The following PTPN5 variants were observed in gnomAD, a reference collection of about 807,000 sequenced individuals.
PTPN5 encodes tyrosine-protein phosphatase non-receptor type 5.
A neutral mutation model predicts 73.9 loss-of-function variants in PTPN5; 29 were observed. That is an observed-to-expected ratio of 0.39 (90% CI 0.29 to 0.54). PTPN5 has a LOEUF of 0.54. Among genes scored for constraint, PTPN5 ranks in the 20% least tolerant of loss-of-function variants. The pLI is 0.65. For synonymous variants in PTPN5, 267 were observed against 304.7 expected (o/e 0.88, Z 1.29); for missense variants, 652 against 751.4 (o/e 0.87, Z 1.55).
At chr11:18,746,162 A>AATAAATATAT (rs1554916160) in intron 3 of PTPN5, among the ~76,000 whole-genome samples, 2 of 67,638 alleles carry the variant, frequency 3.0e-5, no homozygotes, top group African/African-American at 8.8e-5. Flanking sequence ...TATAAATATA[A>AATAAATATAT]ATATATATAT....
chr11:18,790,838 T>C (rs113707829), intron 1 of PTPN5, among the ~76,000 whole-genome samples: 35 of 152,178 alleles, frequency 2.3e-4, no homozygotes, highest in African/African-American at 8.2e-4. Flanking sequence ...GCCACCTTAC[T>C]GGGCCTCAGT....
intron 1 of PTPN5, among the ~76,000 whole-genome samples, chr11:18,776,142 T>C (rs1439516544): frequency 6.6e-6 from 1 of 152,220 alleles, no homozygotes; most frequent in Non-Finnish European, 1.5e-5. Context: ...CCCCCAGGTA[T>C]GCAGTTTAAT....
At chr11:18,731,086 C>T (rs55712807) in intron 12 of PTPN5, among the ~76,000 whole-genome samples, 33,115 of 151,322 alleles carry the variant, frequency 0.22, 4,439 homozygotes, top group South Asian at 0.34. Context: ...AGGAAGCCCT[C>T]CCTGAGCACA....
chr11:18,746,184 T>TAC (rs1849621365), intron 3 of PTPN5, among the ~76,000 whole-genome samples: 1 of 115,698 alleles, frequency 8.6e-6, no homozygotes, highest in Non-Finnish European at 2.0e-5. Flanking sequence ...TATATATATA[T>TAC]ATATATATAC....
chr11:18,744,836 C>T (rs1849543888), intron 3 of PTPN5, among the ~76,000 whole-genome samples: 2 of 152,206 alleles, frequency 1.3e-5, no homozygotes, highest in South Asian at 4.1e-4. Context: ...CGGAGAGTCA[C>T]TCCCTCTCTG....
intron 3 of PTPN5, among the ~76,000 whole-genome samples, chr11:18,758,417 C>T (rs1850245242): frequency 6.6e-6 from 1 of 152,138 alleles, no homozygotes; most frequent in Admixed American, 6.5e-5. Flanking sequence ...ACTGAGGTGC[C>T]AGACATATAA....
intron 1 of PTPN5, among the ~76,000 whole-genome samples, chr11:18,781,725 C>A (rs1851439361): frequency 6.6e-6 from 1 of 152,136 alleles, no homozygotes; most frequent in Non-Finnish European, 1.5e-5. Flanking sequence ...TAATATCAGG[C>A]TCTGTACTGA....
chr11:18,773,782 C>A (rs964179685), intron 1 of PTPN5, among the ~76,000 whole-genome samples: 1 of 152,134 alleles, frequency 6.6e-6, no homozygotes, highest in Non-Finnish European at 1.5e-5. Context: ...GGCAGGAGAC[C>A]AGCCAAAAAG....
In PTPN5 at chr11:18,742,363, G is replaced by A. The variant is rs768469516; in HGVS notation, c.624C>T (p.Leu208=). 2.9e-5 allele frequency: 47 copies of A among 1,614,026 alleles called. No homozygotes were observed. Among genetic ancestry groups the A allele is most frequent in the African/African-American group, 2.7e-4 (20 of 74,908 alleles). ...ACACAGGAGTCTCGGGCACCGGGTC[G>A]AGGTCCAGGAAGTCATCCTCGATCT... ...EEKIEDDFLD[L]DPVPETPVFD... is the part of the protein sequence containing the mutation. The change falls in exon 7 of 15, where the codon CTC becomes CTT. Residue 208 remains leucine, a synonymous_variant. Coordinates refer to ENST00000358540, the MANE Select transcript of PTPN5 (RefSeq NM_006906.2). The surrounding 1 kb of genome is among the most constrained non-coding windows in gnomAD (Gnocchi z 4.1).
Position 18,742,152 on chromosome 11 carries a change from A to G in PTPN5, c.725+110T>C. The G allele has an allele frequency of 6.8e-7, 1 of 1,471,236 alleles. No homozygotes were observed. Among genetic ancestry groups the G allele is most frequent in the Non-Finnish European group, 9.3e-7 (1 of 1,079,156 alleles). The allele number at this position is 1,471,236 out of a possible 1,614,324, so 91.1% of individuals were successfully genotyped here. ...ACATGTCTACACTGGCTAAGCTATAAGGCCAGCTCTGCCCTGGGCACCAGG... is the reference window on the plus strand; with the variant it reads ...ACATGTCTACACTGGCTAAGCTATAGGGCCAGCTCTGCCCTGGGCACCAGG... On this transcript the variant is annotated intron_variant, in intron 7 of 14. Coordinates refer to ENST00000358540, the MANE Select transcript of PTPN5 (RefSeq NM_006906.2). This position sits in a 1 kb window ranked among gnomAD's most constrained non-coding sequence, Gnocchi z 4.1.
chr11:18,733,206 A>C lies in PTPN5; in HGVS notation c.1218+29T>G, dbSNP rs769216828. 2 of 1,601,672 alleles carry C rather than the reference A, an allele frequency of 1.2e-6. No homozygotes were observed. Among genetic ancestry groups the C allele is most frequent in the South Asian group, 2.2e-5 (2 of 90,820 alleles). ...CTTAGTGTAGGGCGCAATGTAGCAG[A>C]CACTTAGAATGGGGACGGGGGTCCC... On this transcript the variant is annotated intron_variant, in intron 11 of 14. Coordinates refer to ENST00000358540, the MANE Select transcript of PTPN5 (RefSeq NM_006906.2). This position sits in a 1 kb window ranked among gnomAD's most constrained non-coding sequence, Gnocchi z 4.3.
chr11:18,781,323 C>CTTTTTTTTTTTTTTTTTTT (rs58611404), intron 1 of PTPN5, among the ~76,000 whole-genome samples: 4 of 114,426 alleles, frequency 3.5e-5, no homozygotes, highest in Non-Finnish European at 5.2e-5. Flanking sequence ...TTTTTGACCA[C>CTTTTTTTTTTTTTTTTTTT]TTTTTTTTTT....
rs74566244 is a variant in PTPN5 at position 18,787,130 on chromosome 11, C to T, written c.-114+4395G>A. 1.7e-4 allele frequency among the ~76,000 whole-genome samples: 26 copies of T among 152,322 alleles called. No individual in the cohort carries two copies. In the East Asian group the frequency reaches 4.2e-3, roughly 25 times the overall value. On this transcript the variant is annotated intron_variant, in intron 1 of 14. Transcript: ENST00000358540. The stretch of plus-strand genomic sequence containing the variant: ...GCAGTGTTTATAATATAAAGCCATA[C>T]TGAATAAAATATGCAGACTTCACTT...
chr11:18,732,648 T>A lies in PTPN5; in HGVS notation c.1273A>T (p.Thr425Ser), dbSNP rs1036882752. ...EQVAYDGVEI[T>S]VQKVIHTEDY... ...TCCGTGTGAATGACTTTCTGCACAG[T>A]GATCTCAACACCGTCGTACGCCACC... is the stretch of plus-strand genomic sequence containing the variant. The change falls in exon 12 of 15, where the codon ACT becomes TCT. Residue 425 changes from threonine to serine, a missense_variant. Transcript: ENST00000358540. 4 of 1,614,002 alleles carry A rather than the reference T, an allele frequency of 2.5e-6. No homozygotes were observed. The highest frequency in any genetic ancestry group is 3.4e-6 in the Non-Finnish European group (4 of 1,180,024).
chr11:18,748,818 A>G (rs1204387187), intron 3 of PTPN5, among the ~76,000 whole-genome samples: 1 of 152,204 alleles, frequency 6.6e-6, no homozygotes, highest in Non-Finnish European at 1.5e-5. Flanking sequence ...ATGTCATGCA[A>G]TTCAGAAAAG....
At chr11:18,765,681 A>G (rs1850611147) in intron 3 of PTPN5, 126 bp downstream of exon 3, 3 of 711,942 alleles carry the variant, frequency 4.2e-6, no homozygotes, top group Non-Finnish European at 7.7e-6. Context: ...AGAGCTATGG[A>G]GCAGCTGCAT....
chr11:18,744,419 T>C (rs917627729), intron 3 of PTPN5: 1 of 401,158 alleles, frequency 2.5e-6, no homozygotes, highest in Non-Finnish European at 4.4e-6. Context: ...ATTTCTCCAG[T>C]AACAGAGTTA....
chr11:18,766,266 G>T (rs138743842), intron 2 of PTPN5, among the ~76,000 whole-genome samples: 18 of 152,304 alleles, frequency 1.2e-4, no homozygotes, highest in African/African-American at 4.1e-4. Flanking sequence ...TAAGTAACTT[G>T]CCCAAGGTCA....
intron 9 of PTPN5, among the ~76,000 whole-genome samples, chr11:18,737,305 G>A (rs960563115): frequency 1.3e-5 from 2 of 152,288 alleles, no homozygotes; most frequent in Non-Finnish European, 2.9e-5. Flanking sequence ...GGGACTGCTC[G>A]TGCCGCCTCA....
Sources: gnomAD v4.1 joint callset for allele counts (sites outside exome capture counted in the v4.1 genomes callset) on GRCh38, gnomAD v4.1.1 for gene constraint, Gnocchi (gnomAD v3.1) non-coding constraint, MANE v1.5 for transcripts, NCBI Gene and HGNC (gene_info 2026-07-23, HGNC 2026-07-21) for gene names.